The following PRR16 variants were observed in gnomAD, a reference collection of about 807,000 sequenced individuals.
PRR16 encodes proline rich 16, also known as protein Largen.
Under a neutral mutation model 18.2 loss-of-function variants are expected in PRR16, and 6 were observed. The observed-to-expected ratio is 0.33, with a 90% confidence interval of 0.18 to 0.65. The LOEUF (loss-of-function observed/expected upper bound fraction) is 0.65. PRR16 is among the 30% of genes least tolerant of loss of function. The probability of loss-of-function intolerance (pLI) is 0.74; values close to 1 mark genes in which losing one functional copy is unlikely to be tolerated. For missense variants in PRR16, 412 were observed against 376.6 expected (o/e 1.09, Z -0.78); for synonymous variants, 151 against 147.8 (o/e 1.02, Z -0.16).
At chr5:120,547,097 G>A (rs1197512892) in intron 1 of PRR16, among the ~76,000 whole-genome samples, 2 of 151,904 alleles carry the variant, frequency 1.3e-5, no homozygotes, top group African/African-American at 4.8e-5. Flanking sequence ...GGAGGGAAGT[G>A]GGAGTGTCTT....
At chr5:120,675,183 A>G (rs1756753247) in intron 1 of PRR16, among the ~76,000 whole-genome samples, 1 of 152,328 alleles carries the variant, frequency 6.6e-6, no homozygotes, top group Non-Finnish European at 1.5e-5. Context: ...CATATGGAGC[A>G]AGAGCAAATG....
intron 1 of PRR16, among the ~76,000 whole-genome samples, chr5:120,569,926 A>G (rs1292570067): frequency 6.6e-6 from 1 of 152,154 alleles, no homozygotes; most frequent in Non-Finnish European, 1.5e-5. Flanking sequence ...GAAAAAGAAA[A>G]ATGGAGATTG....
intron 1 of PRR16, among the ~76,000 whole-genome samples, chr5:120,552,366 T>G (rs193128439): frequency 6.6e-6 from 1 of 151,986 alleles, no homozygotes; most frequent in Admixed American, 6.6e-5. Flanking sequence ...TAAAATAGAG[T>G]AACTATAAAT....
At chr5:120,470,528 G>A (rs1749234651) in intron 1 of PRR16, among the ~76,000 whole-genome samples, 1 of 152,038 alleles carries the variant, frequency 6.6e-6, no homozygotes, top group Non-Finnish European at 1.5e-5. Flanking sequence ...GAATGATATA[G>A]ATCGTAACTA....
At chr5:120,679,923 T>C (rs1296241998) in intron 1 of PRR16, among the ~76,000 whole-genome samples, 1 of 152,134 alleles carries the variant, frequency 6.6e-6, no homozygotes, top group Non-Finnish European at 1.5e-5. Context: ...AAAGATTTAA[T>C]GTACAATATG....
intron 1 of PRR16, among the ~76,000 whole-genome samples, chr5:120,638,398 G>A (rs1450812281): frequency 1.3e-5 from 2 of 151,996 alleles, no homozygotes; most frequent in South Asian, 2.1e-4. Context: ...ATGTATTTGA[G>A]CCATTTTTTG....
chr5:120,706,053 G>T, the PRR16 span, among the ~76,000 whole-genome samples: 1 of 151,940 alleles, frequency 6.6e-6, no homozygotes, highest in Non-Finnish European at 1.5e-5. Flanking sequence ...TAATTAAATG[G>T]GTACAAAAAT....
chr5:120,544,164 C>T (rs914784581), intron 1 of PRR16, among the ~76,000 whole-genome samples: 2 of 152,048 alleles, frequency 1.3e-5, no homozygotes, highest in African/African-American at 4.8e-5. Context: ...AACACAGGGC[C>T]CTGATGACCC....
In PRR16 at chr5:120,583,771, A is replaced by C. The variant is rs534373004; in HGVS notation, c.160-102183A>C. On this transcript the variant is annotated intron_variant, in intron 1 of 1. Coordinates refer to ENST00000407149, the MANE Select transcript of PRR16 (RefSeq NM_001300783.2). ...CTTAAGTGCTGGGCACTCAGACTGTAGGATATTCACTAGTTGTCTGATGTT... is the reference window on the plus strand; with the variant it reads ...CTTAAGTGCTGGGCACTCAGACTGTCGGATATTCACTAGTTGTCTGATGTT... 2.4e-4 allele frequency among the ~76,000 whole-genome samples: 36 copies of C among 152,280 alleles called. 1 individual carries two copies. The highest frequency in any genetic ancestry group is 8.4e-4 in the African/African-American group (35 of 41,562).
the PRR16 span, among the ~76,000 whole-genome samples, chr5:120,707,499 A>G: frequency 3.3e-5 from 5 of 152,168 alleles, no homozygotes; most frequent in Admixed American, 6.5e-5. Flanking sequence ...CACATGTTCT[A>G]TGGCTTTCAA....
chr5:120,611,552 A>G (rs1020307361), intron 1 of PRR16, among the ~76,000 whole-genome samples: 17 of 152,188 alleles, frequency 1.1e-4, no homozygotes, highest in Non-Finnish European at 2.4e-4. Context: ...GGCCAATGTA[A>G]AGCTCAAACT....
At chr5:120,668,163 G>T (rs577394980) in intron 1 of PRR16, among the ~76,000 whole-genome samples, 101 of 151,568 alleles carry the variant, frequency 6.7e-4, no homozygotes, top group African/African-American at 2.2e-3. Context: ...ATATATTTAG[G>T]ATAGTTAGCT....
chr5:120,793,156 T>C, the PRR16 span, among the ~76,000 whole-genome samples: 1 of 152,072 alleles, frequency 6.6e-6, no homozygotes, highest in African/African-American at 2.4e-5. Flanking sequence ...TCAGAAGTTG[T>C]GTATCTAAAC....
the PRR16 span, among the ~76,000 whole-genome samples, chr5:120,754,193 A>G: frequency 9.6e-6 from 1 of 103,970 alleles, no homozygotes; most frequent in Non-Finnish European, 1.8e-5. Flanking sequence ...ATAATATATA[A>G]TTATATATTA....
chr5:120,784,031 A>G, the PRR16 span, among the ~76,000 whole-genome samples: 2 of 152,312 alleles, frequency 1.3e-5, no homozygotes, highest in East Asian at 3.9e-4. Flanking sequence ...ATGTAATTAC[A>G]AAGGATATCT....
chr5:120,622,150 C>A (rs1299317588), intron 1 of PRR16, among the ~76,000 whole-genome samples: 2 of 152,016 alleles, frequency 1.3e-5, no homozygotes, highest in Admixed American at 6.6e-5. Flanking sequence ...TGTTTCTTTT[C>A]TTCTTTGCTG....
the PRR16 span, among the ~76,000 whole-genome samples, chr5:120,782,798 G>T: frequency 6.8e-4 from 103 of 152,216 alleles, no homozygotes; most frequent in South Asian, 0.021. Context: ...TGGTAATTTG[G>T]AACTAATGTT....
the PRR16 span, among the ~76,000 whole-genome samples, chr5:120,769,973 T>G: frequency 6.6e-6 from 1 of 151,956 alleles, no homozygotes; most frequent in Non-Finnish European, 1.5e-5. Flanking sequence ...TGAGCGTCTT[T>G]TCTTACAGCT....
chr5:120,587,151 G>T (rs773833523), intron 1 of PRR16, among the ~76,000 whole-genome samples: 1 of 152,174 alleles, frequency 6.6e-6, no homozygotes, highest in Admixed American at 6.5e-5. Flanking sequence ...AGGCTAAAAG[G>T]TGAAGAAGAT....
Sources: allele counts gnomAD v4.1 joint callset (sites outside exome capture counted in the v4.1 genomes callset), GRCh38; gene constraint gnomAD v4.1.1; transcripts MANE v1.5; gene names NCBI Gene and HGNC (gene_info 2026-07-23, HGNC 2026-07-21).